PTGR1: variants seen among roughly 807,000 people sequenced by gnomAD.
The protein encoded by PTGR1 is 15-oxoprostaglandin 13-reductase.
In PTGR1, 23 loss-of-function variants were observed where a neutral mutation model predicts 37.7. That is an observed-to-expected ratio of 0.61 (90% confidence interval 0.44 to 0.86). The LOEUF is 0.86. Ranked by LOEUF, PTGR1 falls within the 40% of genes least tolerant of loss-of-function variation. The pLI is 0.00. For missense variants in PTGR1, 351 were observed against 394.3 expected (o/e 0.89, Z 0.93); for synonymous variants, 134 against 140.0 (o/e 0.96, Z 0.30).
chr9:111,592,960 C>T lies in PTGR1; in HGVS notation c.175G>A (p.Glu59Lys). The T allele has an allele frequency of 6.9e-7, 1 of 1,443,486 alleles. No individual in the cohort carries two copies. The highest frequency in any genetic ancestry group is 9.3e-7 in the Non-Finnish European group (1 of 1,075,394). The allele number at this position is 1,443,486 out of a possible 1,614,324, so 89.4% of individuals were successfully genotyped here. Residue 59 changes from glutamate (E) to lysine (K), a missense_variant, in exon 4 of 10, where the codon GAA becomes AAA. By Grantham distance (56) the Glu-to-Lys change is moderately conservative. Transcript: ENST00000407693. The part of the protein sequence containing the change: ...YMRVAAKRLK[E>K]GDTMMGQQVA... ...TGCTGCCCCATCATTGTATCACCTT[C>T]CTTCAATCTTTTGGCTGCCACTCTG...
rs115970930 is a variant in PTGR1 at position 111,589,418 on chromosome 9, A to G, written c.210-3253T>C. On this transcript the variant is annotated intron_variant, in intron 4 of 9. Transcript: ENST00000407693. Reference sequence around the variant, plus strand: ...AGACACAAAATTTAAAAAAATAAAGAATGAGATGTTTGGTTTTTTTAAGAG... The same window carrying G: ...AGACACAAAATTTAAAAAAATAAAGGATGAGATGTTTGGTTTTTTTAAGAG... 5.8e-4 allele frequency: 511 copies of G among 879,048 alleles called. 4 individuals carry two copies. The African/African-American group carries it at 9.0e-3, about 16-fold the overall frequency. The allele number at this position is 879,048 out of a possible 1,614,324, so 54.5% of individuals were successfully genotyped here. A position where few individuals can be genotyped will look rare whatever the true frequency, so the allele number is the denominator to read the frequency against.
chr9:111,576,213 C>T (rs1011209046), intron 7 of PTGR1: 3 of 690,844 alleles, frequency 4.3e-6, no homozygotes, highest in Non-Finnish European at 7.1e-6. Flanking sequence ...AGGTTAAAGG[C>T]AATTCACTGA....
At chr9:111,563,283 T>A (rs1448513346) in intron 9 of PTGR1, 52 bp from the exon 10 acceptor site, 1 of 1,519,532 alleles carries the variant, frequency 6.6e-7, no homozygotes, top group South Asian at 1.2e-5. Context: ...TTCTCAATGA[T>A]ATACTGTTCT....
At chr9:111,586,221 G>A in intron 4 of PTGR1, 56 bp from the exon 5 acceptor site, 1 of 1,559,774 alleles carries the variant, frequency 6.4e-7, no homozygotes, top group Non-Finnish European at 8.8e-7. Context: ...TCCCTTTCAA[G>A]GGAGTCAGGA....
chr9:111,593,659 A>C (rs1472088257), intron 3 of PTGR1, among the ~76,000 whole-genome samples: 1 of 152,138 alleles, frequency 6.6e-6, no homozygotes, highest in African/African-American at 2.4e-5. Flanking sequence ...AAATGCACAA[A>C]TTGGGGTTTG....
intron 4 of PTGR1, among the ~76,000 whole-genome samples, chr9:111,587,451 GTATT>G (rs900350541): frequency 4.7e-4 from 71 of 152,248 alleles, no homozygotes; most frequent in Middle Eastern, 3.4e-3. Flanking sequence ...CTATATGTAT[GTATT>G]TATTTATTTA....
intron 4 of PTGR1, among the ~76,000 whole-genome samples, chr9:111,586,587 A>G (rs1829434936): frequency 6.6e-6 from 1 of 152,074 alleles, no homozygotes; most frequent in African/African-American, 2.4e-5. Context: ...CAAGTCTGCC[A>G]TCTTATAATC....
intron 9 of PTGR1, among the ~76,000 whole-genome samples, chr9:111,554,733 T>G (rs1218373150): frequency 6.6e-6 from 1 of 152,216 alleles, no homozygotes; most frequent in African/African-American, 2.4e-5. Context: ...TTTTTATTTC[T>G]GGAATTTTCT....
chr9:111,573,247 G>A (rs1456904950), intron 8 of PTGR1, among the ~76,000 whole-genome samples: 1 of 152,176 alleles, frequency 6.6e-6, no homozygotes, highest in East Asian at 1.9e-4. Flanking sequence ...AATTTCCCAT[G>A]ATTCCAGCTT....
Position 111,591,939 on chromosome 9 carries a change from G to A in PTGR1, c.209+987C>T, listed in dbSNP as rs1158456977. Among the ~76,000 whole-genome samples the A allele has an allele frequency of 2.6e-5, 4 of 152,326 alleles. No homozygotes were observed. In the East Asian group the frequency reaches 5.8e-4, roughly 22 times the overall value. ...CGTGTGATGTGCTTCCCCCTGCAGA[G>A]AGCCTATGACCAGACATGCAGTCAG... On this transcript the variant is annotated intron_variant, in intron 4 of 9. Coordinates refer to ENST00000407693, the MANE Select transcript of PTGR1 (RefSeq NM_001146108.2).
At chr9:111,592,650 C>A (rs1589321271) in intron 4 of PTGR1, 1 of 312,332 alleles carries the variant, frequency 3.2e-6, no homozygotes, top group Non-Finnish European at 5.7e-6. Context: ...TGGCCAGATC[C>A]CGCAATAAAT....
chr9:111,594,345 A>G lies in PTGR1; in HGVS notation c.107-78T>C, dbSNP rs1829713255. On this transcript the variant is annotated intron_variant, in intron 2 of 9. Coordinates refer to ENST00000407693, the MANE Select transcript of PTGR1 (RefSeq NM_001146108.2). ...CAATAGACACTGAGCACCACTAGAC[A>G]GGAGGGGTGAGACAGGGACAAGGGT... 2.3e-6 allele frequency: 3 copies of G among 1,282,864 alleles called. No individual in the cohort carries two copies. The Admixed American group carries it at 5.1e-5, about 22-fold the overall frequency. 79.5% of individuals were successfully genotyped at this position (1,282,864 alleles called of 1,614,324 possible).
rs768575310 is a variant in PTGR1 at position 111,552,368 on chromosome 9, C to T, written c.880-2569G>A. ...ACTGAAGAATTATAACACATGTATC[C>T]GTGACTCGTTTCTTGGAGTCTGCTT... is the stretch of plus-strand genomic sequence containing the variant. On this transcript the variant is annotated intron_variant, in intron 9 of 9. Coordinates refer to the PTGR1 transcript ENST00000538962. 4.6e-5 allele frequency among the ~76,000 whole-genome samples: 7 copies of T among 151,948 alleles called. No homozygotes were observed. The East Asian group carries it at 5.8e-4, about 13-fold the overall frequency.
intron 7 of PTGR1, among the ~76,000 whole-genome samples, chr9:111,578,338 GTAATATACAA>G (rs1298455450): frequency 7.5e-5 from 11 of 147,454 alleles, no homozygotes; most frequent in Admixed American, 3.4e-4. Flanking sequence ...TTATTGCAAT[GTAATATACAA>G]TGAAATAATT....
At chr9:111,596,928 A>C (rs1450928563) in intron 2 of PTGR1, among the ~76,000 whole-genome samples, 1 of 65,292 alleles carries the variant, frequency 1.5e-5, no homozygotes, top group South Asian at 5.5e-4. Context: ...CTCTGTCTCA[A>C]AAAAAAAAAA....
At chr9:111,572,714 G>A (rs531499397) in intron 8 of PTGR1, among the ~76,000 whole-genome samples, 43 of 128,782 alleles carry the variant, frequency 3.3e-4, no homozygotes, top group African/African-American at 8.6e-4. Context: ...CCATGATTGC[G>A]CCACTGCACT....
chr9:111,553,864 G>T (rs570305434), intron 9 of PTGR1, among the ~76,000 whole-genome samples: 9 of 152,294 alleles, frequency 5.9e-5, no homozygotes, highest in African/African-American at 2.2e-4. Context: ...CAACAAATTG[G>T]AGTAGCTTAA....
chr9:111,564,277 TTTATTATTA>T (rs3031175), intron 9 of PTGR1: 13,993 of 485,898 alleles, frequency 0.029, 253 homozygotes, highest in African/African-American at 0.055. Flanking sequence ...AATTTAAACT[TTTATTATTA>T]TTATTATTAT....
downstream of PTGR1, among the ~76,000 whole-genome samples, chr9:111,561,426 C>T (rs1015584133): frequency 3.3e-5 from 5 of 152,044 alleles, no homozygotes; most frequent in African/African-American, 1.2e-4. Context: ...TAGGCACACA[C>T]CATGCCCAGC....
Sources: gnomAD v4.1 joint callset for allele counts (sites outside exome capture counted in the v4.1 genomes callset) on GRCh38, gnomAD v4.1.1 for gene constraint, MANE v1.5 for transcripts, NCBI Gene and HGNC (gene_info 2026-07-23, HGNC 2026-07-21) for gene names.